The following CPD variants were observed in gnomAD, a reference collection of about 807,000 sequenced individuals.
The protein encoded by CPD is carboxypeptidase D.
A neutral mutation model predicts 138.3 loss-of-function variants in CPD; 69 were observed. The observed-to-expected ratio is 0.50, with a 90% CI of 0.41 to 0.61. CPD has a LOEUF of 0.61. Among genes scored for constraint, CPD ranks in the 20% least tolerant of loss-of-function variants. The pLI is 0.00. For synonymous variants in CPD, 651 were observed against 642.1 expected, an observed-to-expected ratio of 1.01 and a Z score of -0.21; for missense variants, 1,432 against 1,733.3, an observed-to-expected ratio of 0.83 and a Z score of 3.09.
At chr17:30,387,203 C>T (rs1438633126) in intron 2 of CPD, among the ~76,000 whole-genome samples, 2 of 152,240 alleles carry the variant, frequency 1.3e-5, no homozygotes, top group East Asian at 1.9e-4. Context: ...CTGTAACCTC[C>T]GCCTCCTGGC....
In CPD at chr17:30,442,402, A is replaced by C. The variant is rs144616874; in HGVS notation, c.2325A>C (p.Pro775=). 120 of 1,613,418 alleles carry C rather than the reference A, an allele frequency of 7.4e-5. No individual in the cohort carries two copies. Among genetic ancestry groups the C allele is most frequent in the Non-Finnish European group, 9.7e-5 (115 of 1,179,630 alleles). The part of the protein sequence containing the change: ...CVKYPLEKEL[P]NFWEQNRRSL... ...AATATCCACTTGAGAAAGAGCTGCCAAACTTTTGGGAACAGAATCGAAGAT... is the reference window on the plus strand; with the variant it reads ...AATATCCACTTGAGAAAGAGCTGCCCAACTTTTGGGAACAGAATCGAAGAT... The change falls in exon 10 of 21, where the codon CCA becomes CCC. Residue 775 remains proline (P), a synonymous_variant. Coordinates refer to ENST00000225719, the MANE Select transcript of CPD (RefSeq NM_001304.5).
At chr17:30,462,220 C>A in intron 19 of CPD, 150 bp from the exon 20 acceptor site, 1 of 1,063,178 alleles carries the variant, frequency 9.4e-7, no homozygotes, top group Non-Finnish European at 1.3e-6. Context: ...GTACCCCTTG[C>A]TAACAAAAGG....
chr17:30,418,213 C>G (rs1325961206), intron 2 of CPD, among the ~76,000 whole-genome samples: 2 of 151,748 alleles, frequency 1.3e-5, no homozygotes. Flanking sequence ...ATAGGTCTTA[C>G]TTTGTTACCC....
intron 7 of CPD, among the ~76,000 whole-genome samples, chr17:30,431,152 G>A (rs113618233): frequency 0.011 from 1,724 of 152,172 alleles, 34 homozygotes; most frequent in African/African-American, 0.039. Flanking sequence ...TATTATTATA[G>A]CTGTCCTAGT....
At chr17:30,436,334 G>A (rs1199066930) in intron 8 of CPD, among the ~76,000 whole-genome samples, 1 of 151,992 alleles carries the variant, frequency 6.6e-6, no homozygotes, top group African/African-American at 2.4e-5. Context: ...ATAAATAGAT[G>A]ACCCACAGAA....
At chr17:30,446,839 T>C (rs1913043964) in intron 12 of CPD, among the ~76,000 whole-genome samples, 1 of 152,214 alleles carries the variant, frequency 6.6e-6, no homozygotes, top group African/African-American at 2.4e-5. Context: ...CAGCACCTGT[T>C]GTTTCCTGAC....
Position 30,427,573 on chromosome 17 carries a change from T to C in CPD, c.2017+15T>C, listed in dbSNP as rs1912453469. 2 of 1,610,368 alleles carry C rather than the reference T, an allele frequency of 1.2e-6. No homozygotes were observed. The highest frequency in any genetic ancestry group is 2.2e-5 in the South Asian group (2 of 90,956). On this transcript the variant is annotated intron_variant, in intron 7 of 20. Transcript: ENST00000225719. ...CCTGCATGGAGGTATGGCAACTTTA[T>C]ATTCTACTAATCAGTTCTTGTTGAG...
chr17:30,438,715 TAAATG>T (rs1912769547), intron 8 of CPD, among the ~76,000 whole-genome samples: 1 of 152,150 alleles, frequency 6.6e-6, no homozygotes, highest in Non-Finnish European at 1.5e-5. Context: ...TTGCGAGTAA[TAAATG>T]AAGTCAATAT....
intron 8 of CPD, among the ~76,000 whole-genome samples, chr17:30,436,747 C>T (rs1255114453): frequency 2.0e-5 from 3 of 152,102 alleles, no homozygotes; most frequent in African/African-American, 7.2e-5. Context: ...GTAATATGAC[C>T]CAGCATTCCA....
chr17:30,400,919 C>T (rs751173248), intron 2 of CPD, among the ~76,000 whole-genome samples: 13 of 151,246 alleles, frequency 8.6e-5, no homozygotes, highest in Non-Finnish European at 1.2e-4. Flanking sequence ...CCTCGTGATC[C>T]GCCCGTCTCG....
rs1912904094 is a variant in CPD, at chr17:30,442,504, G to GT, written c.2373+55dup. 4.5e-6 allele frequency: 7 copies of GT among 1,565,732 alleles called. No individual in the cohort carries two copies. The Admixed American group carries it at 1.0e-4, about 23-fold the overall frequency. ...TTCTCCCGAGGGTGAAAAGATTTTTGTGCGTACACGTGGTTTTTGTGCAGT... is the reference window on the plus strand; with the variant it reads ...TTCTCCCGAGGGTGAAAAGATTTTTGTTGCGTACACGTGGTTTTTGTGCAGT... On this transcript the variant is annotated intron_variant, in intron 10 of 20. Transcript: ENST00000225719.
At chr17:30,421,306 A>G (rs190675952) in intron 3 of CPD, among the ~76,000 whole-genome samples, 1 of 152,290 alleles carries the variant, frequency 6.6e-6, no homozygotes, top group African/African-American at 2.4e-5. Flanking sequence ...CATATTTGCT[A>G]GTGAGCCTTT....
intron 2 of CPD, among the ~76,000 whole-genome samples, chr17:30,412,521 C>T (rs911110562): frequency 3.3e-5 from 5 of 152,188 alleles, no homozygotes; most frequent in East Asian, 1.9e-4. Context: ...TGCTGAGCTA[C>T]GGTGGGCTCT....
intron 4 of CPD, 34 bp from the exon 5 acceptor site, chr17:30,422,640 A>C (rs1455421959): frequency 7.0e-6 from 10 of 1,431,706 alleles, no homozygotes; most frequent in Admixed American, 2.0e-5. Flanking sequence ...TGTCTTAACT[A>C]TAAACCATTT....
chr17:30,442,317 A>G lies in CPD; in HGVS notation c.2240A>G (p.Gln747Arg). The G allele has an allele frequency of 6.2e-7, 1 of 1,612,538 alleles. No homozygotes were observed. The highest frequency in any genetic ancestry group is 8.5e-7 in the Non-Finnish European group (1 of 1,178,894). ...ASWYNVPGGMQDWNYLQTNCF... is the reference protein window; with the variant it reads ...ASWYNVPGGMRDWNYLQTNCF... ...AATTTTTATCTTTTAGGAGGAATGC[A>G]GGACTGGAACTATTTACAAACAAAT... The change falls in exon 10 of 21, where the codon CAG (glutamine) becomes CGG (arginine). Residue 747 changes from glutamine to arginine, a missense_variant. Gln to Arg is a conservative substitution (Grantham distance 43). Around this residue, in one of 6 missense-constraint regions of CPD, gnomAD observed 297 missense variants for 405.3 expected, o/e 0.73. Transcript: ENST00000225719.
chr17:30,401,615 C>T (rs921951519), intron 2 of CPD, among the ~76,000 whole-genome samples: 1 of 152,080 alleles, frequency 6.6e-6, no homozygotes, highest in Non-Finnish European at 1.5e-5. Context: ...TCCTAAGCAG[C>T]CGGGACTACA....
At chr17:30,391,762 C>A (rs1381574826) in intron 2 of CPD, among the ~76,000 whole-genome samples, 1 of 152,092 alleles carries the variant, frequency 6.6e-6, no homozygotes, top group Non-Finnish European at 1.5e-5. Flanking sequence ...TATCTACTCA[C>A]AAGATTAGGA....
chr17:30,414,524 A>G (rs547628812), intron 2 of CPD, among the ~76,000 whole-genome samples: 3 of 151,934 alleles, frequency 2.0e-5, no homozygotes, highest in Non-Finnish European at 4.4e-5. Context: ...CAGAGCTTGC[A>G]GTGAGCTGAG....
At chr17:30,464,445 TATA>T (rs1913577067) in intron 20 of CPD, 140 bp from the exon 21 acceptor site, 2 of 674,702 alleles carry the variant, frequency 3.0e-6, no homozygotes, top group Middle Eastern at 2.8e-4. Flanking sequence ...ATACTGCTTC[TATA>T]ATAATAAAGG....
Sources: allele counts gnomAD v4.1 joint callset (sites outside exome capture counted in the v4.1 genomes callset), GRCh38; gene constraint gnomAD v4.1.1; regional missense constraint gnomAD v4.1.1; transcripts MANE v1.5; gene names NCBI Gene and HGNC (gene_info 2026-07-23, HGNC 2026-07-21).